Variants in RNF44 observed in about 807,000 individuals in gnomAD.
RNF44 encodes the protein ring finger protein 44.
In RNF44, 25 loss-of-function variants were observed where a neutral mutation model predicts 53.6. That is an observed-to-expected ratio of 0.47 (90% CI 0.34 to 0.65). RNF44 has a LOEUF of 0.65. Ranked by LOEUF, RNF44 falls within the 30% of genes least tolerant of loss-of-function variation. The probability of loss-of-function intolerance (pLI) is 0.01; values close to 1 mark genes in which losing one functional copy is unlikely to be tolerated. For synonymous variants in RNF44, 282 were observed against 252.2 expected (o/e 1.12, Z -1.12); for missense variants, 581 against 595.5 (o/e 0.98, Z 0.25).
At chr5:176,529,945 G>T in intron 7 of RNF44, 127 bp from the exon 8 acceptor site, 5 of 1,384,822 alleles carry the variant, frequency 3.6e-6, no homozygotes, top group Non-Finnish European at 4.8e-6. Flanking sequence ...CCCAGCTGGC[G>T]TGCCTGTCAG....
chr5:176,529,120 C>T (rs777313770), intron 10 of RNF44, 30 bp from the exon 11 acceptor site: 7 of 1,611,936 alleles, frequency 4.3e-6, no homozygotes, highest in Non-Finnish European at 5.1e-6. Context: ...AGGCGTTGCT[C>T]TCACCAGCCC....
chr5:176,529,163 G>C (rs763093541), intron 10 of RNF44, 73 bp from the exon 11 acceptor site: 4 of 1,584,672 alleles, frequency 2.5e-6, no homozygotes, highest in Admixed American at 3.4e-5. Context: ...CACCTGGGGG[G>C]ACTTGGTCCG....
rs777672413 is a variant in RNF44 at position 176,532,089 on chromosome 5, C to T, written c.212G>A (p.Arg71Gln). 1.6e-5 allele frequency: 26 copies of T among 1,602,784 alleles called. No homozygotes were observed. Among genetic ancestry groups the T allele is most frequent in the Middle Eastern group, 1.7e-4 (1 of 5,992 alleles). Reference sequence around the variant, plus strand: ...GCTCCCGCCGGCAGGAGCCGAGGCTCGGCGCTCCTCTACGGGGAGGTGTGG... The same window carrying T: ...GCTCCCGCCGGCAGGAGCCGAGGCTTGGCGCTCCTCTACGGGGAGGTGTGG... Reference protein sequence around the residue: ...RPPHLPVEERRASAPAGGSPR... With the variant: ...RPPHLPVEERQASAPAGGSPR... The change falls in exon 3 of 11, where the codon CGA (arginine) becomes CAA (glutamine). Residue 71 changes from arginine to glutamine, a missense_variant. Coordinates refer to ENST00000274811, the MANE Select transcript of RNF44 (RefSeq NM_014901.5).
rs1156373045 is a variant in RNF44, at chr5:176,531,246, G to A, written c.465+217C>T. ...TCCTGGGCCTCTGCCAAGCTGTGAGGCAGGTACAGGGGTACTGGAAGGTTC... is the reference window on the plus strand; with the variant it reads ...TCCTGGGCCTCTGCCAAGCTGTGAGACAGGTACAGGGGTACTGGAAGGTTC... On this transcript the variant is annotated intron_variant, in intron 4 of 10. Coordinates refer to ENST00000274811, the MANE Select transcript of RNF44 (RefSeq NM_014901.5). This position sits in a 1 kb window ranked among gnomAD's most constrained non-coding sequence, Gnocchi z 4.2. 6.6e-6 allele frequency among the ~76,000 whole-genome samples: 1 copy of A among 152,258 alleles called. No homozygotes were observed. Among genetic ancestry groups the A allele is most frequent in the African/African-American group, 2.4e-5 (1 of 41,462 alleles).
rs1323043274 is a variant in RNF44, at chr5:176,527,170, G to C, written c.*1858C>G. On this transcript the variant is annotated 3_prime_UTR_variant, in exon 11 of 11. Transcript: ENST00000274811. ...GGTGCCCACTGTCATGCCTAGGCCAGAAGTTGGTAAATAAGAGAGTAAACA... is the reference window on the plus strand; with the variant it reads ...GGTGCCCACTGTCATGCCTAGGCCACAAGTTGGTAAATAAGAGAGTAAACA... The C allele has an allele frequency of 2.6e-5, 4 of 152,436 alleles. No individual in the cohort carries two copies. The highest frequency in any genetic ancestry group is 5.9e-5 in the Non-Finnish European group (4 of 68,044). The allele number at this position is 152,436 out of a possible 1,614,324, so 9.4% of individuals were successfully genotyped here.
chr5:176,536,503 C>A (rs1411003513), intron 1 of RNF44, among the ~76,000 whole-genome samples: 1 of 152,152 alleles, frequency 6.6e-6, no homozygotes, highest in African/African-American at 2.4e-5. Context: ...GGGGCCGAGG[C>A]GCGGACACAG....
rs373737795 is a variant in RNF44, at chr5:176,530,516, G to A, written c.801+66C>T. ...CCAGCTGCCTGGGAGCCCAGATGCA[G>A]GTCGGCCCAGCGGGTCTGCCTCCCA... On this transcript the variant is annotated intron_variant, in intron 6 of 10. Coordinates refer to ENST00000274811, the MANE Select transcript of RNF44 (RefSeq NM_014901.5). The A allele has an allele frequency of 7.8e-3, 10,497 of 1,345,712 alleles. 85 individuals are homozygous for A. Among genetic ancestry groups the A allele is most frequent in the Middle Eastern group, 0.014 (49 of 3,474 alleles). 83.4% of individuals were successfully genotyped at this position (1,345,712 alleles called of 1,614,324 possible).
Position 176,531,634 on chromosome 5 carries a change from T to A in RNF44, c.298-4A>T. On this transcript the variant is annotated splice_region_variant and splice_polypyrimidine_tract_variant and intron_variant, in intron 3 of 10. Coordinates refer to ENST00000274811, the MANE Select transcript of RNF44 (RefSeq NM_014901.5). The surrounding 1 kb of genome is among the most constrained non-coding windows in gnomAD (Gnocchi z 4.2). The stretch of plus-strand genomic sequence containing the variant: ...GAGGGACAGGTCCCTGGTGCACCTG[T>A]GGGTGGAGAGAACGCCGGGAAAGTA... The A allele has an allele frequency of 6.3e-7, 1 of 1,599,318 alleles. No homozygotes were observed. Among genetic ancestry groups the A allele is most frequent in the Non-Finnish European group, 8.5e-7 (1 of 1,171,120 alleles).
At chr5:176,529,218 A>ACAGCC (rs1756325612) in intron 10 of RNF44, 70 bp downstream of exon 10, 1 of 1,561,372 alleles carries the variant, frequency 6.4e-7, no homozygotes, top group Admixed American at 1.7e-5. Context: ...AAGGAGGGAA[A>ACAGCC]CAGCCCAGGC....
chr5:176,531,346 A>G lies in RNF44; in HGVS notation c.465+117T>C. The G allele has an allele frequency of 9.7e-7, 1 of 1,027,384 alleles. No homozygotes were observed. Among genetic ancestry groups the G allele is most frequent in the Non-Finnish European group, 1.4e-6 (1 of 723,382 alleles). The allele number at this position is 1,027,384 out of a possible 1,614,324, so 63.6% of individuals were successfully genotyped here. A position where few individuals can be genotyped will look rare whatever the true frequency, so the allele number is the denominator to read the frequency against. The stretch of plus-strand genomic sequence containing the variant: ...CTGGGGAGGCCAGGCAGGCGCTCTG[A>G]CAGCCTGGATGGCTGGATAGCTCAG... On this transcript the variant is annotated intron_variant, in intron 4 of 10. Transcript: ENST00000274811. The surrounding 1 kb of genome is among the most constrained non-coding windows in gnomAD (Gnocchi z 4.2).
Position 176,530,109 on chromosome 5 carries a change from T to C in RNF44, c.899A>G (p.Tyr300Cys). The change falls in exon 7 of 11, where the codon TAC becomes TGC. Residue 300 changes from tyrosine (Y) to cysteine (C), a missense_variant. This residue lies in a region of RNF44 where 183 missense variants were observed against 198.6 expected (regional missense o/e 0.92). Coordinates refer to ENST00000274811, the MANE Select transcript of RNF44 (RefSeq NM_014901.5). ...PPPPPPPPPP[Y>C]YPSFLPYFLS... ...GAAGTAGGGCAGGAAGCTGGGGTAG[T>C]AGGGTGGTGGGGGTGGGGGTGGGGG... is the stretch of plus-strand genomic sequence containing the variant. The C allele has an allele frequency of 7.3e-6, 3 of 413,236 alleles. No homozygotes were observed. Among genetic ancestry groups the C allele is most frequent in the Non-Finnish European group, 8.4e-6 (3 of 357,268 alleles). The allele number at this position is 413,236 out of a possible 1,614,324, so 25.6% of individuals were successfully genotyped here.
At chr5:176,542,737 C>CG (rs1326291568), upstream of RNF44, 1 of 152,306 alleles carries the variant, frequency 6.6e-6, no homozygotes, top group Non-Finnish European at 1.5e-5. Context: ...GGACTCTCTC[C>CG]GGACCCCGCA....
At chr5:176,530,519 C>T (rs568214100) in intron 6 of RNF44, 63 bp downstream of exon 6, 35 of 1,355,204 alleles carry the variant, frequency 2.6e-5, no homozygotes, top group South Asian at 3.7e-5. Context: ...AGATGCAGGT[C>T]GGCCCAGCGG....
chr5:176,530,881 C>T lies in RNF44; in HGVS notation c.606G>A (p.Gln202=), dbSNP rs1244204729. The change falls in exon 5 of 11, where the codon CAG becomes CAA. Residue 202 remains glutamine (Q), a synonymous_variant. Transcript: ENST00000274811. ...GGTGCTGGGTCTGCAGAGACACAAACTGCCCCAGGGGCGCCATGTGGGTGG... is the reference window on the plus strand; with the variant it reads ...GGTGCTGGGTCTGCAGAGACACAAATTGCCCCAGGGGCGCCATGTGGGTGG... ...PQPTHMAPLG[Q]FVSLQTQHPR... The T allele has an allele frequency of 7.7e-6, 10 of 1,302,732 alleles. No individual in the cohort carries two copies. The highest frequency in any genetic ancestry group is 3.3e-5 in the East Asian group (1 of 30,726). The allele number at this position is 1,302,732 out of a possible 1,614,324, so 80.7% of individuals were successfully genotyped here.
At chr5:176,535,129 G>T (rs887935198) in intron 1 of RNF44, among the ~76,000 whole-genome samples, 1 of 152,190 alleles carries the variant, frequency 6.6e-6, no homozygotes, top group Admixed American at 6.5e-5. Context: ...ACTCACACAT[G>T]ACAGTGACTT....
intron 6 of RNF44, 98 bp from the exon 7 acceptor site, chr5:176,530,304 C>A: frequency 4.8e-6 from 1 of 210,432 alleles, no homozygotes; most frequent in Non-Finnish European, 7.4e-6. Flanking sequence ...GCCTCCCAGC[C>A]GCCCCGGAGC....
At chr5:176,534,172 G>C (rs1756960237) in intron 1 of RNF44, among the ~76,000 whole-genome samples, 1 of 152,250 alleles carries the variant, frequency 6.6e-6, no homozygotes, top group South Asian at 2.1e-4. Context: ...GGGCAGGCCT[G>C]ATGTGAGAAA....
Position 176,527,216 on chromosome 5 carries a change from G to T in RNF44, c.*1812C>A, listed in dbSNP as rs1013425577. ...AAACAATGGCAAGCCCCCACCACAG[G>T]AAATCATTGGTAACATGGCATCTAT... On this transcript the variant is annotated 3_prime_UTR_variant, in exon 11 of 11. Transcript: ENST00000274811. 7 of 152,446 alleles carry T rather than the reference G, an allele frequency of 4.6e-5. No individual in the cohort carries two copies. Among genetic ancestry groups the T allele is most frequent in the African/African-American group, 1.7e-4 (7 of 41,450 alleles). 9.4% of individuals were successfully genotyped at this position (152,446 alleles called of 1,614,324 possible).
Position 176,530,908 on chromosome 5 carries a change from C to A in RNF44, c.579G>T (p.Gln193His). 8.2e-6 allele frequency: 1 copy of A among 122,610 alleles called. No individual in the cohort carries two copies. The highest frequency in any genetic ancestry group is 1.6e-5 in the Non-Finnish European group (1 of 63,804). 7.6% of individuals were successfully genotyped at this position (122,610 alleles called of 1,614,324 possible). Residue 193 changes from glutamine to histidine, a missense_variant, in exon 5 of 11, where the codon CAG (glutamine) becomes CAT (histidine). By Grantham distance (24) the Gln-to-His change is conservative. Transcript: ENST00000274811. ...GCCCCAGGGGCGCCATGTGGGTGGG[C>A]TGGGGGGGTGGGGCCGGTGGTGGGG... Reference protein sequence around the residue: ...LHPPPPAPPPQPTHMAPLGQF... With the variant: ...LHPPPPAPPPHPTHMAPLGQF...
Sources: allele counts gnomAD v4.1 joint callset (sites outside exome capture counted in the v4.1 genomes callset), GRCh38; gene constraint gnomAD v4.1.1; regional missense constraint gnomAD v4.1.1; non-coding constraint Gnocchi (gnomAD v3.1); transcripts MANE v1.5; gene names NCBI Gene and HGNC (gene_info 2026-07-23, HGNC 2026-07-21).